FOXP1: variants seen among roughly 807,000 people sequenced by gnomAD.
FOXP1 encodes the protein forkhead box P1, also known as forkhead box protein P1.
A neutral mutation model predicts 98.2 loss-of-function variants in FOXP1; 15 were observed. The observed-to-expected ratio is 0.15, with a 90% CI of 0.10 to 0.24. The LOEUF (loss-of-function observed/expected upper bound fraction) is 0.24, where lower values mean the gene tolerates loss of function less well. Among genes scored for constraint, FOXP1 ranks in the 10% least tolerant of loss-of-function variants. The pLI is 1.00. For missense variants in FOXP1, 633 were observed against 848.5 expected, an observed-to-expected ratio of 0.75 and a Z score of 3.15; for synonymous variants, 371 against 314.5, an observed-to-expected ratio of 1.18 and a Z score of -1.90.
At chr3:71,101,617 A>G (rs1322454849) in intron 7 of FOXP1, among the ~76,000 whole-genome samples, 1 of 151,842 alleles carries the variant, frequency 6.6e-6, no homozygotes, top group Non-Finnish European at 1.5e-5. Flanking sequence ...AATTCAAGAA[A>G]ATGATGAGGA....
chr3:71,254,037 C>T (rs1306860523), intron 5 of FOXP1, among the ~76,000 whole-genome samples: 1 of 152,156 alleles, frequency 6.6e-6, no homozygotes, highest in Non-Finnish European at 1.5e-5. Flanking sequence ...GAAGTTTCTA[C>T]CTTCCTGAAT....
At chr3:71,276,125 A>C (rs1027837901) in intron 5 of FOXP1, 6 of 152,204 alleles carry the variant, frequency 3.9e-5, no homozygotes, top group African/African-American at 1.4e-4. Context: ...TTATTTTTCC[A>C]AGCAATTTCT....
chr3:71,159,437 G>A (rs1324557018), intron 6 of FOXP1, among the ~76,000 whole-genome samples: 1 of 152,166 alleles, frequency 6.6e-6, no homozygotes, highest in Non-Finnish European at 1.5e-5. Context: ...TAACAAGAGA[G>A]GACAGAGGAA....
At chr3:71,219,424 A>G (rs779906014) in intron 5 of FOXP1, among the ~76,000 whole-genome samples, 7 of 152,242 alleles carry the variant, frequency 4.6e-5, no homozygotes, top group African/African-American at 7.2e-5. Flanking sequence ...TGTGATTTTC[A>G]TGAAAGTTTA....
At chr3:71,326,101 C>T (rs1328465118) in intron 4 of FOXP1, among the ~76,000 whole-genome samples, 3 of 152,050 alleles carry the variant, frequency 2.0e-5, no homozygotes, top group African/African-American at 4.8e-5. Context: ...TTTCTCTTTT[C>T]GTTATACCAT....
intron 2 of FOXP1, among the ~76,000 whole-genome samples, chr3:71,531,436 C>T (rs558986812): frequency 5.9e-5 from 9 of 152,218 alleles, no homozygotes; most frequent in African/African-American, 1.9e-4. Context: ...CAGGAAAAGA[C>T]CTCAGAGCAC....
intron 4 of FOXP1, among the ~76,000 whole-genome samples, chr3:71,346,958 G>A (rs1041306164): frequency 1.3e-5 from 2 of 151,922 alleles, no homozygotes; most frequent in Non-Finnish European, 2.9e-5. Context: ...ACTTGAACCC[G>A]GGACATGGAG....
chr3:71,520,972 T>C (rs1477054186), intron 2 of FOXP1, among the ~76,000 whole-genome samples: 1 of 152,110 alleles, frequency 6.6e-6, no homozygotes, highest in Non-Finnish European at 1.5e-5. Flanking sequence ...TCCCACCGAC[T>C]TGCACCCAAT....
chr3:71,029,029 ACCT>A (rs1449927992), intron 11 of FOXP1, among the ~76,000 whole-genome samples: 3 of 152,086 alleles, frequency 2.0e-5, no homozygotes, highest in Admixed American at 1.3e-4. Context: ...CACGTGCCTC[ACCT>A]CCTGCCGTGT....
At chr3:71,465,788 G>C (rs2088651587) in intron 3 of FOXP1, among the ~76,000 whole-genome samples, 1 of 152,204 alleles carries the variant, frequency 6.6e-6, no homozygotes, top group South Asian at 2.1e-4. Context: ...TGCACAAGAA[G>C]TGAGCAGAGG....
chr3:71,342,117 T>G (rs2077044428), intron 4 of FOXP1, among the ~76,000 whole-genome samples: 1 of 152,226 alleles, frequency 6.6e-6, no homozygotes. Context: ...AATCTTTGGG[T>G]TACTACTGCC....
intron 3 of FOXP1, among the ~76,000 whole-genome samples, chr3:71,482,132 T>C (rs553794398): frequency 2.6e-5 from 4 of 152,274 alleles, no homozygotes; most frequent in East Asian, 1.9e-4. Flanking sequence ...TCCCTCATGA[T>C]AAATTAAGGA....
At chr3:71,307,994 C>T (rs1436433693) in intron 4 of FOXP1, among the ~76,000 whole-genome samples, 1 of 152,186 alleles carries the variant, frequency 6.6e-6, no homozygotes, top group African/African-American at 2.4e-5. Context: ...GCTGAAAGAG[C>T]GCCGGATTCG....
At chr3:71,064,931 G>T in intron 7 of FOXP1, 1 of 340,606 alleles carries the variant, frequency 2.9e-6, no homozygotes, top group Non-Finnish European at 4.1e-6. Context: ...CTGCACGCGC[G>T]CAGGGGCGCT....
intron 3 of FOXP1, among the ~76,000 whole-genome samples, chr3:71,448,094 T>G (rs2086615247): frequency 6.6e-6 from 1 of 152,160 alleles, no homozygotes; most frequent in South Asian, 2.1e-4. Flanking sequence ...CCGAGGAATG[T>G]GAATGTTGCC....
rs188219705 is a variant in FOXP1, at chr3:71,457,058, T to C, written c.-168+36368A>G. Among the ~76,000 whole-genome samples the C allele has an allele frequency of 6.8e-4, 103 of 152,208 alleles. 1 individual carries two copies. The highest frequency in any genetic ancestry group is 5.9e-5 in the Non-Finnish European group (4 of 68,016). On this transcript the variant is annotated intron_variant, in intron 3 of 20. Transcript: ENST00000649528. ...ATGCTGGGCTACTGAAGACAGAGTT[T>C]ACTCATTCACACATCTCTGCCATGT...
chr3:71,232,804 G>A (rs1166045627), intron 5 of FOXP1, among the ~76,000 whole-genome samples: 1 of 139,266 alleles, frequency 7.2e-6, no homozygotes, highest in African/African-American at 2.6e-5. Flanking sequence ...GGGATGAAGA[G>A]GGAAGATCTC....
intron 4 of FOXP1, among the ~76,000 whole-genome samples, chr3:71,349,785 G>C (rs1161787966): frequency 1.3e-5 from 2 of 152,098 alleles, no homozygotes; most frequent in East Asian, 3.9e-4. Flanking sequence ...TTGACAGAGG[G>C]CTTACCAGGT....
intron 16 of FOXP1, 58 bp downstream of exon 16, chr3:70,977,585 A>G: frequency 7.4e-7 from 1 of 1,351,428 alleles, no homozygotes; most frequent in Non-Finnish European, 1.1e-6. Flanking sequence ...TCATCAATAT[A>G]TATCCATGTA....
Sources: allele counts gnomAD v4.1 joint callset (sites outside exome capture counted in the v4.1 genomes callset), GRCh38; gene constraint gnomAD v4.1.1; transcripts MANE v1.5; gene names NCBI Gene and HGNC (gene_info 2026-07-23, HGNC 2026-07-21).